The following ADAMTS15 variants were observed in gnomAD, a reference collection of about 807,000 sequenced individuals.
The protein encoded by ADAMTS15 is A disintegrin and metalloproteinase with thrombospondin motifs 15.
Under a neutral mutation model 79.1 loss-of-function variants are expected in ADAMTS15, and 35 were observed. The observed-to-expected ratio is 0.44, with a 90% CI of 0.34 to 0.59. The LOEUF is 0.59. Ranked by LOEUF, ADAMTS15 falls within the 20% of genes least tolerant of loss-of-function variation. ADAMTS15 has a pLI of 0.02. For synonymous variants in ADAMTS15, 616 were observed against 567.3 expected (o/e 1.09, Z -1.22); for missense variants, 1,324 against 1,318.7 (o/e 1.00, Z -0.06).
chr11:130,473,632 A>G lies in ADAMTS15; in HGVS notation c.2664A>G (p.Gln888=), dbSNP rs2134743645. 1 of 1,608,958 alleles carries G rather than the reference A, an allele frequency of 6.2e-7. No individual in the cohort carries two copies. The highest frequency in any genetic ancestry group is 8.5e-7 in the Non-Finnish European group (1 of 1,179,830). ...CAGCCCATCGGCCCGTGGAGACACAAGCCTGCGGGGAGCCCTGCCCCACCT... is the reference window on the plus strand; with the variant it reads ...CAGCCCATCGGCCCGTGGAGACACAGGCCTGCGGGGAGCCCTGCCCCACCT... ...CDAAHRPVET[Q]ACGEPCPTWE... is the part of the protein sequence containing the mutation. Residue 888 remains glutamine (Q), a synonymous_variant, in exon 8 of 8, where the codon CAA becomes CAG. Coordinates refer to ENST00000299164, the MANE Select transcript of ADAMTS15 (RefSeq NM_139055.4).
Position 130,462,011 on chromosome 11 carries a change from T to G in ADAMTS15, c.1091-76T>G. ...AAAACCTCTGACATGGGCTTTCTAG[T>G]TCCCCTGCCCCATTCCTCCCTCCAA... On this transcript the variant is annotated intron_variant, in intron 2 of 7. Transcript: ENST00000299164. This position sits in a 1 kb window ranked among gnomAD's most constrained non-coding sequence, Gnocchi z 4.3. 2 of 1,442,810 alleles carry G rather than the reference T, an allele frequency of 1.4e-6. No homozygotes were observed. The highest frequency in any genetic ancestry group is 1.9e-6 in the Non-Finnish European group (2 of 1,049,920). The allele number at this position is 1,442,810 out of a possible 1,614,324, so 89.4% of individuals were successfully genotyped here.
chr11:130,470,083 TC>T (rs1938389656), intron 5 of ADAMTS15, among the ~76,000 whole-genome samples: 1 of 140,882 alleles, frequency 7.1e-6, no homozygotes, highest in Non-Finnish European at 1.5e-5. Flanking sequence ...CATCCTTACT[TC>T]AGAATTATAG....
intron 1 of ADAMTS15, 114 bp downstream of exon 1, chr11:130,450,044 T>C (rs1937930628): frequency 6.6e-7 from 1 of 1,509,260 alleles, no homozygotes; most frequent in South Asian, 1.3e-5. Context: ...TAAACCTCGT[T>C]GATCTCTTCC....
chr11:130,455,813 C>A (rs1565391986), intron 1 of ADAMTS15, among the ~76,000 whole-genome samples: 1 of 152,188 alleles, frequency 6.6e-6, no homozygotes, highest in African/African-American at 2.4e-5. Context: ...GAGCCGGGGG[C>A]TCGTTCAACC....
intron 4 of ADAMTS15, among the ~76,000 whole-genome samples, chr11:130,465,359 G>A (rs1296365691): frequency 2.0e-5 from 3 of 152,174 alleles, no homozygotes; most frequent in Non-Finnish European, 2.9e-5. Context: ...CCTCTCGCTT[G>A]TTAGGGACAT....
intron 4 of ADAMTS15, among the ~76,000 whole-genome samples, chr11:130,466,976 A>T (rs1463670544): frequency 6.6e-6 from 1 of 152,042 alleles, no homozygotes; most frequent in Admixed American, 6.6e-5. Context: ...TATGAAGCCC[A>T]CCCAATGCTC....
In ADAMTS15 at chr11:130,455,122, A is replaced by G. The variant is rs77414525; in HGVS notation, c.957+5192A>G. Among the ~76,000 whole-genome samples, 1,240 of 152,270 alleles carry G rather than the reference A, an allele frequency of 8.1e-3. 25 individuals carry two copies. The highest frequency in any genetic ancestry group is 0.028 in the African/African-American group (1,184 of 41,558). ...GCACTTAACTTTCCTCACTCTTAGA[A>G]TGAGGATAATGATGATGACATGATA... On this transcript the variant is annotated intron_variant, in intron 1 of 7. Coordinates refer to ENST00000299164, the MANE Select transcript of ADAMTS15 (RefSeq NM_139055.4).
In ADAMTS15 at chr11:130,472,398, T is replaced by C. The variant is rs1200324698; in HGVS notation, c.2079-649T>C. Among the ~76,000 whole-genome samples, 2 of 151,968 alleles carry C rather than the reference T, an allele frequency of 1.3e-5. No homozygotes were observed. Among genetic ancestry groups the C allele is most frequent in the Non-Finnish European group, 2.9e-5 (2 of 68,002 alleles). On this transcript the variant is annotated intron_variant, in intron 7 of 7. Coordinates refer to ENST00000299164, the MANE Select transcript of ADAMTS15 (RefSeq NM_139055.4). This position sits in a 1 kb window ranked among gnomAD's most constrained non-coding sequence, Gnocchi z 4.7. ...TGTGGTGGCAAGGCCACGTGGGGAG[T>C]GGGAGGTACATACCCCAGGCTTGCC...
At position 130,462,805 on chromosome 11, in the gene ADAMTS15, C is replaced by T. The variant is rs748714131; in HGVS notation, c.1542+25C>T. On this transcript the variant is annotated intron_variant, in intron 4 of 7. Transcript: ENST00000299164. This position sits in a 1 kb window ranked among gnomAD's most constrained non-coding sequence, Gnocchi z 4.3. ...GGTGAGTGAGTGCTGGAGCTGCGCT[C>T]GGGGACTGCTGGGAGGAGGGATGGA... 35 of 1,560,462 alleles carry T rather than the reference C, an allele frequency of 2.2e-5. No homozygotes were observed. Among genetic ancestry groups the T allele is most frequent in the Middle Eastern group, 2.2e-4 (1 of 4,646 alleles).
At position 130,472,130 on chromosome 11, in the gene ADAMTS15, T is replaced by A. The variant is rs952667356; in HGVS notation, c.2078+747T>A. Among the ~76,000 whole-genome samples the A allele has an allele frequency of 6.6e-6, 1 of 152,038 alleles. No individual in the cohort carries two copies. Among genetic ancestry groups the A allele is most frequent in the South Asian group, 2.1e-4 (1 of 4,818 alleles). Reference sequence around the variant, plus strand: ...ACCCACGTTCTAGAAGAAGAGGGGGTAGGCAGGGCACCTGAGGTCCCAGTT... The same window carrying A: ...ACCCACGTTCTAGAAGAAGAGGGGGAAGGCAGGGCACCTGAGGTCCCAGTT... On this transcript the variant is annotated intron_variant, in intron 7 of 7. Coordinates refer to ENST00000299164, the MANE Select transcript of ADAMTS15 (RefSeq NM_139055.4). This position sits in a 1 kb window ranked among gnomAD's most constrained non-coding sequence, Gnocchi z 4.7.
At position 130,462,027 on chromosome 11, in the gene ADAMTS15, C is replaced by G. The variant is rs1207670022; in HGVS notation, c.1091-60C>G. On this transcript the variant is annotated intron_variant, in intron 2 of 7. Coordinates refer to ENST00000299164, the MANE Select transcript of ADAMTS15 (RefSeq NM_139055.4). The surrounding 1 kb of genome is among the most constrained non-coding windows in gnomAD (Gnocchi z 4.3). Reference sequence around the variant, plus strand: ...GCTTTCTAGTTCCCCTGCCCCATTCCTCCCTCCAACCCCCATGTCCTTCCT... The same window carrying G: ...GCTTTCTAGTTCCCCTGCCCCATTCGTCCCTCCAACCCCCATGTCCTTCCT... 2.7e-6 allele frequency: 4 copies of G among 1,479,738 alleles called. No homozygotes were observed. The East Asian group carries it at 9.2e-5, about 34-fold the overall frequency. The allele number at this position is 1,479,738 out of a possible 1,614,324, so 91.7% of individuals were successfully genotyped here. A position where few individuals can be genotyped will look rare whatever the true frequency, so the allele number is the denominator to read the frequency against.
At position 130,473,027 on chromosome 11, in the gene ADAMTS15, G is replaced by GC; in HGVS notation, c.2079-14dup. ...GGTCCAGGCTTCTATCTGATGCACG[G>GC]CCCCCCTTTCCCCCGCCAGGCATGG... On this transcript the variant is annotated intron_variant, in intron 7 of 7. Coordinates refer to ENST00000299164, the MANE Select transcript of ADAMTS15 (RefSeq NM_139055.4). 4 of 1,610,778 alleles carry GC rather than the reference G, an allele frequency of 2.5e-6. No homozygotes were observed. The highest frequency in any genetic ancestry group is 1.3e-5 in the African/African-American group (1 of 75,022).
At chr11:130,471,989 G>A (rs1355593990) in intron 7 of ADAMTS15, among the ~76,000 whole-genome samples, 2 of 152,244 alleles carry the variant, frequency 1.3e-5, no homozygotes, top group African/African-American at 4.8e-5. Context: ...GGGCAGCTGG[G>A]ACTGAAGGAG....
chr11:130,470,189 T>TAC (rs1565397875), intron 5 of ADAMTS15, among the ~76,000 whole-genome samples: 6 of 49,844 alleles, frequency 1.2e-4, no homozygotes, highest in East Asian at 3.2e-4. Flanking sequence ...TATGTGTGTA[T>TAC]ATATATATAT....
At chr11:130,453,175 C>T (rs918593176) in intron 1 of ADAMTS15, among the ~76,000 whole-genome samples, 5 of 151,832 alleles carry the variant, frequency 3.3e-5, no homozygotes, top group African/African-American at 7.3e-5. Context: ...GCACTGGCTG[C>T]GGAGTCGGGG....
intron 1 of ADAMTS15, among the ~76,000 whole-genome samples, chr11:130,459,610 G>A (rs1270422803): frequency 6.6e-6 from 1 of 152,214 alleles, no homozygotes; most frequent in Non-Finnish European, 1.5e-5. Context: ...TAGAAGTGGA[G>A]GTAGTGCTTC....
chr11:130,461,814 C>T (rs1278231905), intron 2 of ADAMTS15, among the ~76,000 whole-genome samples, 193 bp downstream of exon 2: 2 of 152,178 alleles, frequency 1.3e-5, no homozygotes, highest in East Asian at 3.9e-4. Flanking sequence ...GGTTTGAGCC[C>T]CTTGGCAGAG....
rs1213768576 is a variant in ADAMTS15, at chr11:130,473,061, T to G, written c.2093T>G (p.Phe698Cys). The change falls in exon 8 of 8, where the codon TTC becomes TGC. Residue 698 changes from phenylalanine to cysteine, a missense_variant. Transcript: ENST00000299164. ...TCCCCCGCCAGGCATGGCTACAATTTCGTGGTGGCCATCCCCGCAGGCGCC... is the reference window on the plus strand; with the variant it reads ...TCCCCCGCCAGGCATGGCTACAATTGCGTGGTGGCCATCCCCGCAGGCGCC... ...LFTKPMHGYNFVVAIPAGASS... is the reference protein window; with the variant it reads ...LFTKPMHGYNCVVAIPAGASS... The G allele has an allele frequency of 1.2e-6, 2 of 1,613,316 alleles. No individual in the cohort carries two copies. The highest frequency in any genetic ancestry group is 2.7e-5 in the African/African-American group (2 of 74,938).
At chr11:130,450,498 T>A in intron 1 of ADAMTS15, 2 of 952,938 alleles carry the variant, frequency 2.1e-6, no homozygotes, top group Non-Finnish European at 2.5e-6. Flanking sequence ...TTTTGTGGGT[T>A]GCAGTGACAG....
Sources: gnomAD v4.1 joint callset for allele counts (sites outside exome capture counted in the v4.1 genomes callset) on GRCh38, gnomAD v4.1.1 for gene constraint, Gnocchi (gnomAD v3.1) non-coding constraint, MANE v1.5 for transcripts, NCBI Gene and HGNC (gene_info 2026-07-23, HGNC 2026-07-21) for gene names.